The following PARK7 variants were observed in gnomAD, a reference collection of about 807,000 sequenced individuals.
PARK7 encodes Parkinsonism associated deglycase.
Under a neutral mutation model 20.5 loss-of-function variants are expected in PARK7, and 14 were observed. That is an observed-to-expected ratio of 0.68 (90% CI 0.45 to 1.07). The LOEUF (loss-of-function observed/expected upper bound fraction) is 1.07, where lower values mean the gene tolerates loss of function less well. Among genes scored for constraint, PARK7 ranks in the 50% least tolerant of loss-of-function variants. The probability of loss-of-function intolerance (pLI) is 0.00; values close to 1 mark genes in which losing one functional copy is unlikely to be tolerated. For synonymous variants in PARK7, 98 were observed against 84.3 expected, an observed-to-expected ratio of 1.16 and a Z score of -0.89; for missense variants, 234 against 238.1, an observed-to-expected ratio of 0.98 and a Z score of 0.11.
At chr1:7,973,584 C>CGT (rs1178505201) in intron 5 of PARK7, among the ~76,000 whole-genome samples, 3 of 151,990 alleles carry the variant, frequency 2.0e-5, no homozygotes, top group Non-Finnish European at 4.4e-5. Context: ...CGTGGTGGCG[C>CGT]GTGCCTGTAA....
At chr1:7,964,548 G>C (rs1472825558) in intron 2 of PARK7, among the ~76,000 whole-genome samples, 1 of 152,142 alleles carries the variant, frequency 6.6e-6, no homozygotes, top group Non-Finnish European at 1.5e-5. Context: ...ACGTATTCTT[G>C]TGTAGGTTTC....
chr1:7,971,083 T>C, intron 5 of PARK7, 120 bp downstream of exon 5: 2 of 1,109,218 alleles, frequency 1.8e-6, no homozygotes, highest in Non-Finnish European at 2.7e-6. Flanking sequence ...TCTGTGTTGG[T>C]GTATTTAGTT....
intron 6 of PARK7, among the ~76,000 whole-genome samples, chr1:7,981,940 G>A (rs1298055506): frequency 2.0e-5 from 3 of 147,082 alleles, no homozygotes; most frequent in East Asian, 2.1e-4. Flanking sequence ...TTACAGGCGT[G>A]AGCCACTATG....
In PARK7 at chr1:7,970,994, G is replaced by A. The variant is rs389298; in HGVS notation, c.322+31G>A. 56,051 of 1,611,680 alleles carry A rather than the reference G, an allele frequency of 0.035. 11,032 individuals are homozygous for A. The East Asian group carries it at 0.54, about 16-fold the overall frequency. The stretch of plus-strand genomic sequence containing the variant: ...GTGCAGGGGCAGCCTGTGTTGCAGC[G>A]TCATTGGTGGGTGGGGTAGCCTTTC... On this transcript the variant is annotated intron_variant, in intron 5 of 6. Transcript: ENST00000338639.
In PARK7 at chr1:7,970,886, T is replaced by C. The variant is rs779544392; in HGVS notation, c.253-8T>C. On this transcript the variant is annotated splice_region_variant and splice_polypyrimidine_tract_variant and intron_variant, in intron 4 of 6. Transcript: ENST00000338639. ...AACTTTATGTATTTTTGGTTTTCTTTTCACTAGTCTGCTGCTGTGAAGGAG... is the reference window on the plus strand; with the variant it reads ...AACTTTATGTATTTTTGGTTTTCTTCTCACTAGTCTGCTGCTGTGAAGGAG... 3.1e-6 allele frequency: 5 copies of C among 1,614,190 alleles called. No homozygotes were observed. Among genetic ancestry groups the C allele is most frequent in the Non-Finnish European group, 4.2e-6 (5 of 1,180,018 alleles).
In PARK7 at chr1:7,962,851, T is replaced by A. The variant is rs775184804; in HGVS notation, c.66T>A (p.Pro22=). ...KGAEEMETVI[P]VDVMRRAGIK... ...CAGAGGAAATGGAGACGGTCATCCCTGTAGATGTCATGAGGCGAGCTGGGG... is the reference window on the plus strand; with the variant it reads ...CAGAGGAAATGGAGACGGTCATCCCAGTAGATGTCATGAGGCGAGCTGGGG... Residue 22 remains proline, a synonymous_variant, in exon 2 of 7, where the codon CCT becomes CCA. Coordinates refer to ENST00000338639, the MANE Select transcript of PARK7 (RefSeq NM_007262.5). 2.5e-6 allele frequency: 4 copies of A among 1,613,696 alleles called. No homozygotes were observed. Among genetic ancestry groups the A allele is most frequent in the Non-Finnish European group, 3.4e-6 (4 of 1,179,886 alleles).
chr1:7,970,844 G>GT, intron 4 of PARK7, 50 bp from the exon 5 acceptor site: 1 of 1,577,584 alleles, frequency 6.3e-7, no homozygotes, highest in Middle Eastern at 1.8e-4. Flanking sequence ...TGAGTGATTG[G>GT]TTAGTGGCTT....
intron 6 of PARK7, among the ~76,000 whole-genome samples, chr1:7,978,616 G>C (rs929334560): frequency 9.4e-6 from 1 of 106,368 alleles, no homozygotes; most frequent in Non-Finnish European, 1.8e-5. Context: ...GGCTGAGGCG[G>C]GTGGATCGCT....
chr1:7,967,249 C>T (rs1296988023), intron 3 of PARK7, among the ~76,000 whole-genome samples: 2 of 152,134 alleles, frequency 1.3e-5, no homozygotes, highest in Non-Finnish European at 2.9e-5. Flanking sequence ...GACAAGATTT[C>T]ATTCTTTTTT....
chr1:7,964,657 A>G (rs909790674), intron 2 of PARK7, among the ~76,000 whole-genome samples: 2 of 152,212 alleles, frequency 1.3e-5, no homozygotes. Context: ...GGTTTTGCCA[A>G]GTTGCTCTCC....
intron 5 of PARK7, among the ~76,000 whole-genome samples, chr1:7,976,153 T>C (rs889749265): frequency 6.6e-6 from 1 of 152,192 alleles, no homozygotes; most frequent in Admixed American, 6.6e-5. Context: ...GAAAGGACAG[T>C]AAGACCAAGA....
At chr1:7,979,086 A>T (rs1405529267) in intron 6 of PARK7, among the ~76,000 whole-genome samples, 1 of 151,960 alleles carries the variant, frequency 6.6e-6, no homozygotes, top group African/African-American at 2.4e-5. Context: ...GCTGTATGTA[A>T]CCTTCTCCTG....
intron 5 of PARK7, among the ~76,000 whole-genome samples, chr1:7,974,041 G>A (rs1640520493): frequency 6.6e-6 from 1 of 152,004 alleles, no homozygotes; most frequent in South Asian, 2.1e-4. Flanking sequence ...TGGCTGTGGT[G>A]GCTCATAGCT....
intron 2 of PARK7, among the ~76,000 whole-genome samples, chr1:7,963,578 T>C (rs1008593145): frequency 6.6e-6 from 1 of 151,864 alleles, no homozygotes; most frequent in African/African-American, 2.4e-5. Context: ...TTTCACCATG[T>C]TGGCCAGGTT....
chr1:7,967,228 T>C (rs1640348943), intron 3 of PARK7, among the ~76,000 whole-genome samples: 1 of 152,246 alleles, frequency 6.6e-6, no homozygotes, highest in African/African-American at 2.4e-5. Context: ...TCCATTCTTG[T>C]AGCCACAAAT....
chr1:7,968,456 C>A lies in PARK7; in HGVS notation c.193-889C>A, dbSNP rs1640376693. On this transcript the variant is annotated intron_variant, in intron 3 of 6. Coordinates refer to ENST00000338639, the MANE Select transcript of PARK7 (RefSeq NM_007262.5). ...GGATACTAAAATTCTCCCCCCGTTA[C>A]ATTTTTCATAAAGTTAAGAAAAATT... Among the ~76,000 whole-genome samples, 8 of 151,982 alleles carry A rather than the reference C, an allele frequency of 5.3e-5. 1 individual carries two copies. The highest frequency in any genetic ancestry group is 5.2e-4 in the Admixed American group (8 of 15,258).
intron 6 of PARK7, among the ~76,000 whole-genome samples, chr1:7,979,646 A>G (rs1640669091): frequency 6.6e-6 from 1 of 152,086 alleles, no homozygotes. Flanking sequence ...AACTATGGGT[A>G]TGAGCCACCA....
intron 2 of PARK7, among the ~76,000 whole-genome samples, chr1:7,963,386 CTT>C (rs34942518): frequency 1.1e-4 from 15 of 140,900 alleles, no homozygotes; most frequent in Non-Finnish European, 7.8e-5. Context: ...CTTTTTTCTT[CTT>C]TTTTTTTTTT....
rs191296710 is a variant in PARK7, at chr1:7,981,607, A to G, written c.410-3287A>G. On this transcript the variant is annotated intron_variant, in intron 6 of 6. Coordinates refer to ENST00000338639, the MANE Select transcript of PARK7 (RefSeq NM_007262.5). ...GCTGCATTTGCAAAAACAGGCAGCA[A>G]CCTGGCCTCGGCCCTCAGGCTTGTC... 1.4e-3 allele frequency among the ~76,000 whole-genome samples: 206 copies of G among 151,830 alleles called. 1 individual carries two copies. The highest frequency in any genetic ancestry group is 4.9e-3 in the African/African-American group (203 of 41,370).
Sources: gnomAD v4.1 joint callset for allele counts (sites outside exome capture counted in the v4.1 genomes callset) on GRCh38, gnomAD v4.1.1 for gene constraint, MANE v1.5 for transcripts, NCBI Gene and HGNC (gene_info 2026-07-23, HGNC 2026-07-21) for gene names.